UGT1A4: variants seen among roughly 807,000 people sequenced by gnomAD.
The protein encoded by UGT1A4 is UDP glucuronosyltransferase family 1 member A4, also known as UDP-glucuronosyltransferase 1A4.
Under a neutral mutation model 41.1 loss-of-function variants are expected in UGT1A4, and 32 were observed. The observed-to-expected ratio is 0.78, with a 90% confidence interval of 0.59 to 1.05. The LOEUF (loss-of-function observed/expected upper bound fraction) is 1.05. Ranked by LOEUF, UGT1A4 falls within the 50% of genes least tolerant of loss-of-function variation. The pLI is 0.00. For synonymous variants in UGT1A4, 283 were observed against 265.1 expected (o/e 1.07, Z -0.66); for missense variants, 748 against 677.4 (o/e 1.10, Z -1.16).
chr2:233,757,065 T>C (rs1273460805), intron 1 of UGT1A4, among the ~76,000 whole-genome samples: 1 of 151,244 alleles, frequency 6.6e-6, no homozygotes, highest in Non-Finnish European at 1.5e-5. Flanking sequence ...CAGCAAGGGA[T>C]CCAGAATGGC....
chr2:233,756,018 C>T (rs900872393), intron 1 of UGT1A4: 6 of 152,198 alleles, frequency 3.9e-5, no homozygotes, highest in African/African-American at 1.4e-4. Context: ...TGTGATATTA[C>T]ACATCCCCCA....
rs375082638 is a variant in UGT1A4 at position 233,764,736 on chromosome 2, G to A, written c.868-2298G>A. Among the ~76,000 whole-genome samples the A allele has an allele frequency of 2.0e-5, 3 of 152,156 alleles. 1 individual carries two copies. The East Asian group carries it at 5.8e-4, about 29-fold the overall frequency. On this transcript the variant is annotated intron_variant, in intron 1 of 4. Coordinates refer to ENST00000373409, the MANE Select transcript of UGT1A4 (RefSeq NM_007120.3). ...CCCAAGAAAGAGGGAGAGAAAGAGGGGAGAGATGTGGTGCAGACCCTAGGG... is the reference window on the plus strand; with the variant it reads ...CCCAAGAAAGAGGGAGAGAAAGAGGAGAGAGATGTGGTGCAGACCCTAGGG...
intron 1 of UGT1A4, among the ~76,000 whole-genome samples, chr2:233,723,552 T>G (rs1350574557): frequency 7.9e-6 from 1 of 126,806 alleles, no homozygotes; most frequent in Non-Finnish European, 1.6e-5. Flanking sequence ...ATTTTTTTAT[T>G]GATAATTCTT....
chr2:233,719,092 G>A lies in UGT1A4; in HGVS notation c.272G>A (p.Arg91His), dbSNP rs570129053. 84 of 1,614,240 alleles carry A rather than the reference G, an allele frequency of 5.2e-5. No homozygotes were observed. The highest frequency in any genetic ancestry group is 6.6e-5 in the Non-Finnish European group (78 of 1,180,038). Residue 91 changes from arginine to histidine, a missense_variant, in exon 1 of 5, where the codon CGC becomes CAC. Physicochemically the swap from Arg to His is conservative, Grantham distance 29 (BLOSUM62 0). Transcript: ENST00000373409. ...AVPWTQKEFD[R>H]VTLGYTQGFF... Reference sequence around the variant, plus strand: ...CCATGGACCCAGAAGGAATTTGATCGCGTTACGCTGGGCTACACTCAAGGG... The same window carrying A: ...CCATGGACCCAGAAGGAATTTGATCACGTTACGCTGGGCTACACTCAAGGG...
At chr2:233,749,455 A>C (rs1355144259) in intron 1 of UGT1A4, among the ~76,000 whole-genome samples, 1 of 151,860 alleles carries the variant, frequency 6.6e-6, no homozygotes, top group East Asian at 1.9e-4. Flanking sequence ...GAGCAGAACG[A>C]ATTGGGAACT....
At chr2:233,735,055 G>A (rs1012259706) in intron 1 of UGT1A4, among the ~76,000 whole-genome samples, 1 of 152,132 alleles carries the variant, frequency 6.6e-6, no homozygotes, top group Non-Finnish European at 1.5e-5. Context: ...CTGAGTTCAG[G>A]TCCTGGATAT....
chr2:233,740,275 T>C (rs1342427185), intron 1 of UGT1A4, among the ~76,000 whole-genome samples: 1 of 151,910 alleles, frequency 6.6e-6, no homozygotes, highest in Non-Finnish European at 1.5e-5. Context: ...ATTGAAGTTA[T>C]ACTGAAAGGG....
intron 1 of UGT1A4, among the ~76,000 whole-genome samples, chr2:233,761,633 C>A (rs1697819960): frequency 6.6e-6 from 1 of 152,236 alleles, no homozygotes; most frequent in Non-Finnish European, 1.5e-5. Context: ...CTAAATCCTG[C>A]AGTCCGTTCT....
chr2:233,747,611 T>C (rs529621956), intron 1 of UGT1A4: 1 of 1,574,810 alleles, frequency 6.3e-7, no homozygotes, highest in African/African-American at 1.4e-5. Flanking sequence ...AGCTACTGCA[T>C]AATGAGGCCC....
intron 1 of UGT1A4, chr2:233,761,121 C>T (rs1672783934): frequency 6.2e-7 from 1 of 1,614,054 alleles, no homozygotes; most frequent in South Asian, 1.1e-5. Context: ...TTGGTGGAAT[C>T]AACTGCCTTC....
chr2:233,726,439 C>G (rs2077532269), intron 1 of UGT1A4, among the ~76,000 whole-genome samples: 1 of 152,184 alleles, frequency 6.6e-6, no homozygotes, highest in African/African-American at 2.4e-5. Context: ...TAATCTTATT[C>G]TTTCCACTGA....
rs528831440 is a variant in UGT1A4, at chr2:233,734,491, G to GT, written c.867+14811dup. Among the ~76,000 whole-genome samples, 467 of 152,022 alleles carry GT rather than the reference G, an allele frequency of 3.1e-3. 1 individual carries two copies. Among genetic ancestry groups the GT allele is most frequent in the Admixed American group, 5.0e-3 (77 of 15,264 alleles). On this transcript the variant is annotated intron_variant, in intron 1 of 4. Coordinates refer to ENST00000373409, the MANE Select transcript of UGT1A4 (RefSeq NM_007120.3). ...CCTGGATTCATTGATTTTTTTGAAG[G>GT]TTTTTTTGTGTCTCTATCTCTTTCA...
At position 233,749,723 on chromosome 2, in the gene UGT1A4, C is replaced by T. The variant is rs564280843; in HGVS notation, c.868-17311C>T. On this transcript the variant is annotated intron_variant, in intron 1 of 4. Coordinates refer to ENST00000373409, the MANE Select transcript of UGT1A4 (RefSeq NM_007120.3). ...GGTGATTGGATCATGGGGGCAGTTT[C>T]GCACCTGCTGGTCTCATCATAGTGA... 3.3e-5 allele frequency among the ~76,000 whole-genome samples: 5 copies of T among 151,978 alleles called. No individual in the cohort carries two copies. The South Asian group carries it at 6.2e-4, about 19-fold the overall frequency.
Position 233,728,434 on chromosome 2 carries a change from T to C in UGT1A4, c.867+8747T>C, listed in dbSNP as rs547972941. On this transcript the variant is annotated intron_variant, in intron 1 of 4. Transcript: ENST00000373409. ...GATAGCAGCACCTCTTCTTCCATGG[T>C]GTATATGGAGAATCCTCAACAAAGT... Among the ~76,000 whole-genome samples, 3 of 152,272 alleles carry C rather than the reference T, an allele frequency of 2.0e-5. No homozygotes were observed. In the East Asian group the frequency reaches 5.8e-4, roughly 29 times the overall value.
chr2:233,755,346 G>A (rs1313684064), intron 1 of UGT1A4: 3 of 411,522 alleles, frequency 7.3e-6, no homozygotes, highest in African/African-American at 6.3e-5. Context: ...CAGGTCAGAG[G>A]CTTGGCGACC....
chr2:233,760,979 C>A, intron 1 of UGT1A4: 1 of 1,614,224 alleles, frequency 6.2e-7, no homozygotes, highest in Non-Finnish European at 8.5e-7. Context: ...TCCCCGTATG[C>A]AACCCTTGCC....
rs753373133 is a variant in UGT1A4, at chr2:233,768,431, T to C, written c.1299T>C (p.Asn433=). The change falls in exon 4 of 5, where the codon AAT becomes AAC. Residue 433 remains asparagine (N), a synonymous_variant. Coordinates refer to ENST00000373409, the MANE Select transcript of UGT1A4 (RefSeq NM_007120.3). ...AAAATGCTCTAAAAGCAGTCATCAA[T>C]GACAAAAGGTAAGAAAGAAGATACA... The part of the protein sequence containing the change: ...DLENALKAVI[N]DKSYKENIMR... 2 of 1,613,926 alleles carry C rather than the reference T, an allele frequency of 1.2e-6. No homozygotes were observed. The highest frequency in any genetic ancestry group is 1.7e-6 in the Non-Finnish European group (2 of 1,179,924).
chr2:233,728,960 A>T, intron 1 of UGT1A4: 1 of 1,448,658 alleles, frequency 6.9e-7, no homozygotes, highest in Non-Finnish European at 9.2e-7. Context: ...CACAGTGAAA[A>T]ACAGTGATAG....
chr2:233,767,996 A>AG (rs1699544638), intron 3 of UGT1A4, 60 bp downstream of exon 3: 2 of 1,614,194 alleles, frequency 1.2e-6, no homozygotes, highest in Non-Finnish European at 1.7e-6. Flanking sequence ...AAATGGCTTA[A>AG]GCACAGCTAT....
Sources: allele counts gnomAD v4.1 joint callset (sites outside exome capture counted in the v4.1 genomes callset), GRCh38; gene constraint gnomAD v4.1.1; transcripts MANE v1.5; gene names NCBI Gene and HGNC (gene_info 2026-07-23, HGNC 2026-07-21).